Variants in PPME1 observed in about 807,000 individuals in gnomAD.
The protein encoded by PPME1 is testicular secretory protein Li 39.
PPME1 carries 17 observed loss-of-function variants against 56.9 expected under a neutral mutation model. The ratio of observed to expected loss-of-function variants is 0.30; its 90% CI spans 0.20 to 0.45. The LOEUF (loss-of-function observed/expected upper bound fraction) is 0.45. Ranked by LOEUF, PPME1 falls within the 20% of genes least tolerant of loss-of-function variation. The pLI is 1.00. For missense variants in PPME1, 357 were observed against 483.2 expected, an observed-to-expected ratio of 0.74 and a Z score of 2.45; for synonymous variants, 122 against 156.2, an observed-to-expected ratio of 0.78 and a Z score of 1.63.
intron 1 of PPME1, among the ~76,000 whole-genome samples, chr11:74,199,123 A>G (rs189576229): frequency 8.8e-4 from 134 of 152,186 alleles, no homozygotes; most frequent in African/African-American, 3.1e-3. Flanking sequence ...GAAATGTCTT[A>G]TCCCTCTCTC....
intron 3 of PPME1, among the ~76,000 whole-genome samples, chr11:74,209,515 A>G (rs538088160): frequency 2.0e-5 from 3 of 152,214 alleles, no homozygotes; most frequent in Non-Finnish European, 2.9e-5. Context: ...ACACACATTC[A>G]CACTGTAAAG....
At position 74,241,681 on chromosome 11, in the gene PPME1, T is replaced by A. The variant is rs1297111188; in HGVS notation, c.834+2425T>A. Among the ~76,000 whole-genome samples the A allele has an allele frequency of 1.3e-5, 2 of 152,238 alleles. 1 individual carries two copies. Among genetic ancestry groups the A allele is most frequent in the South Asian group, 4.1e-4 (2 of 4,834 alleles). On this transcript the variant is annotated intron_variant, in intron 9 of 13. Coordinates refer to ENST00000328257, the MANE Select transcript of PPME1 (RefSeq NM_016147.3). ...TTTTCTCTCTTTTTGATTATAGCCA[T>A]CCTAGTGTGTATGAAGTGATATCTG...
chr11:74,217,150 AG>A (rs1338803435), intron 3 of PPME1, among the ~76,000 whole-genome samples: 1 of 152,218 alleles, frequency 6.6e-6, no homozygotes, highest in Non-Finnish European at 1.5e-5. Flanking sequence ...AAAACCAGAC[AG>A]ACAAAAACAA....
intron 5 of PPME1, among the ~76,000 whole-genome samples, chr11:74,228,145 TA>T (rs568949797): frequency 0.092 from 13,055 of 142,450 alleles, 1,656 homozygotes; most frequent in African/African-American, 0.29. Context: ...GTCTTTTCTT[TA>T]AAAAAAAAAA....
At chr11:74,249,357 C>T (rs900487477) in intron 11 of PPME1, 7 of 152,226 alleles carry the variant, frequency 4.6e-5, no homozygotes, top group African/African-American at 1.7e-4. Context: ...GAACCTAAGG[C>T]TCCTAATCTG....
intron 1 of PPME1, among the ~76,000 whole-genome samples, chr11:74,199,271 A>G (rs1241898311): frequency 3.3e-5 from 5 of 152,024 alleles, no homozygotes; most frequent in Non-Finnish European, 5.9e-5. Flanking sequence ...CATTCACTGC[A>G]CTTCAGCTGT....
chr11:74,226,651 C>T (rs1350160202), intron 5 of PPME1, among the ~76,000 whole-genome samples: 9 of 151,522 alleles, frequency 5.9e-5, no homozygotes, highest in East Asian at 3.9e-4. Flanking sequence ...GGCAGTCAGA[C>T]AAATTGATGA....
At chr11:74,235,084 CA>C (rs1555080555) in intron 7 of PPME1, among the ~76,000 whole-genome samples, 1 of 152,158 alleles carries the variant, frequency 6.6e-6, no homozygotes, top group Non-Finnish European at 1.5e-5. Flanking sequence ...AGTAAGAAAT[CA>C]TGTCATTATC....
intron 1 of PPME1, among the ~76,000 whole-genome samples, chr11:74,190,746 G>A (rs1857814278): frequency 1.3e-5 from 2 of 152,214 alleles, no homozygotes; most frequent in Admixed American, 1.3e-4. Context: ...ATGAGGAAAA[G>A]TTTGGAACTT....
At chr11:74,249,063 A>G (rs1859584777) in intron 11 of PPME1, 1 of 152,268 alleles carries the variant, frequency 6.6e-6, no homozygotes, top group South Asian at 2.1e-4. Context: ...GCCTTTCATT[A>G]TATTCAGGAA....
chr11:74,216,576 T>C (rs1406862516), intron 3 of PPME1, among the ~76,000 whole-genome samples: 1 of 151,972 alleles, frequency 6.6e-6, no homozygotes, highest in Non-Finnish European at 1.5e-5. Context: ...CGATGCATCC[T>C]AAAGAATTAG....
chr11:74,239,184 C>A lies in PPME1; in HGVS notation c.762C>A (p.Ile254=). 6.2e-7 allele frequency: 1 copy of A among 1,612,984 alleles called. No homozygotes were observed. The highest frequency in any genetic ancestry group is 8.5e-7 in the Non-Finnish European group (1 of 1,179,468). Residue 254 remains isoleucine (I), a synonymous_variant, in exon 9 of 14, where the codon ATC becomes ATA. Transcript: ENST00000328257. The part of the protein sequence containing the change: ...PEGSKSIVEG[I]IEEEEEDEEG... Reference sequence around the variant, plus strand: ...GCTCAAAATCTATAGTGGAAGGAATCATAGAGGAAGAAGAAGAAGATGAGG... The same window carrying A: ...GCTCAAAATCTATAGTGGAAGGAATAATAGAGGAAGAAGAAGAAGATGAGG...
At chr11:74,249,778 C>A (rs142329422) in intron 11 of PPME1, 64 of 152,294 alleles carry the variant, frequency 4.2e-4, no homozygotes, top group African/African-American at 1.4e-3. Context: ...TTGAAACTTA[C>A]AAGAGGGCCA....
intron 1 of PPME1, among the ~76,000 whole-genome samples, chr11:74,172,382 G>T (rs903222919): frequency 6.6e-6 from 1 of 152,204 alleles, no homozygotes; most frequent in Non-Finnish European, 1.5e-5. Context: ...ATACGGTTTG[G>T]TGAATGGAAG....
chr11:74,218,734 A>G (rs1858720675), intron 3 of PPME1, among the ~76,000 whole-genome samples: 2 of 152,222 alleles, frequency 1.3e-5, no homozygotes, highest in African/African-American at 2.4e-5. Flanking sequence ...ATCTCTTGCC[A>G]TATACAAAAA....
At chr11:74,243,631 G>A (rs991672031) in intron 9 of PPME1, 3 of 152,058 alleles carry the variant, frequency 2.0e-5, no homozygotes, top group African/African-American at 7.2e-5. Flanking sequence ...GAATCATAAG[G>A]TACCTTTGTA....
At chr11:74,213,977 C>T (rs1044570824) in intron 3 of PPME1, among the ~76,000 whole-genome samples, 1 of 152,204 alleles carries the variant, frequency 6.6e-6, no homozygotes, top group Non-Finnish European at 1.5e-5. Flanking sequence ...AACATGACTT[C>T]ACCACATGAA....
intron 1 of PPME1, among the ~76,000 whole-genome samples, chr11:74,193,049 G>A (rs1857883998): frequency 6.6e-6 from 1 of 152,172 alleles, no homozygotes; most frequent in Non-Finnish European, 1.5e-5. Flanking sequence ...GCCATTGTTG[G>A]TTGTTGCTTT....
intron 5 of PPME1, among the ~76,000 whole-genome samples, chr11:74,228,451 C>T (rs1205691055): frequency 1.3e-5 from 2 of 152,046 alleles, no homozygotes; most frequent in Non-Finnish European, 2.9e-5. Context: ...GATGGCTTTA[C>T]CATTTATGCC....
Sources: gnomAD v4.1 joint callset for allele counts (sites outside exome capture counted in the v4.1 genomes callset) on GRCh38, gnomAD v4.1.1 for gene constraint, MANE v1.5 for transcripts, NCBI Gene and HGNC (gene_info 2026-07-23, HGNC 2026-07-21) for gene names.